Variants in RTTN observed in about 807,000 individuals in gnomAD.
RTTN encodes rotatin.
RTTN carries 182 observed loss-of-function variants against 269.2 expected under a neutral mutation model. The ratio of observed to expected loss-of-function variants is 0.68; its 90% CI spans 0.60 to 0.76. RTTN has a LOEUF of 0.76. RTTN is among the 30% of genes least tolerant of loss of function. The pLI is 0.00. For missense variants in RTTN, 2,545 were observed against 2,608.6 expected (o/e 0.98, Z 0.53); for synonymous variants, 1,006 against 963.5 (o/e 1.04, Z -0.82).
chr18:70,044,169 A>T (rs914876520), intron 40 of RTTN, among the ~76,000 whole-genome samples: 1 of 152,210 alleles, frequency 6.6e-6, no homozygotes, highest in Non-Finnish European at 1.5e-5. Flanking sequence ...TACAGTGAAC[A>T]TTCATCAACA....
chr18:70,020,350 TCTTTGAGAATGATAAAATA>T (rs2056666086), intron 45 of RTTN, among the ~76,000 whole-genome samples: 1 of 152,202 alleles, frequency 6.6e-6, no homozygotes, highest in Non-Finnish European at 1.5e-5. Flanking sequence ...AAAACCCTCA[TCTTTGAGAATGATAAAATA>T]CAATCCGAAA....
chr18:70,029,268 G>A (rs1056861728), intron 42 of RTTN, among the ~76,000 whole-genome samples: 2 of 151,886 alleles, frequency 1.3e-5, no homozygotes, highest in African/African-American at 2.4e-5. Context: ...GTAGAAACTA[G>A]TTATTACATA....
chr18:70,187,704 G>A (rs2061578517), intron 10 of RTTN, among the ~76,000 whole-genome samples: 1 of 152,136 alleles, frequency 6.6e-6, no homozygotes, highest in Non-Finnish European at 1.5e-5. Flanking sequence ...TATGTTTAAG[G>A]TCAAAGCTAA....
chr18:70,205,251 G>C lies in RTTN; in HGVS notation c.96C>G (p.Asn32Lys), dbSNP rs373704963. ...GAATGAGATCAGCGTAGCAGATTAA[G>C]TTGTGCTCAATCTTGCAGAGAATAC... ...LKSILCKIEH[N>K]LICYADLIQE... Residue 32 changes from asparagine to lysine, a missense_variant, in exon 2 of 49, where the codon AAC (asparagine) becomes AAG (lysine). Transcript: ENST00000640769. 9 of 1,614,134 alleles carry C rather than the reference G, an allele frequency of 5.6e-6. No homozygotes were observed. The highest frequency in any genetic ancestry group is 6.8e-6 in the Non-Finnish European group (8 of 1,180,052).
At chr18:70,092,846 C>T in intron 28 of RTTN, 42 bp from the exon 29 acceptor site, 1 of 1,559,352 alleles carries the variant, frequency 6.4e-7, no homozygotes, top group African/African-American at 1.4e-5. Flanking sequence ...GCTTTATTCT[C>T]AATGGTATAT....
At chr18:70,168,029 T>C (rs1174819321) in intron 12 of RTTN, among the ~76,000 whole-genome samples, 1 of 151,346 alleles carries the variant, frequency 6.6e-6, no homozygotes, top group Non-Finnish European at 1.5e-5. Flanking sequence ...GTGCCTATAG[T>C]ACTAGTTGCT....
Position 70,142,361 on chromosome 18 carries a change from T to G in RTTN, c.2508A>C (p.Glu836Asp). The G allele has an allele frequency of 6.2e-7, 1 of 1,603,560 alleles. No homozygotes were observed. Among genetic ancestry groups the G allele is most frequent in the Non-Finnish European group, 8.5e-7 (1 of 1,175,696 alleles). The stretch of plus-strand genomic sequence containing the variant: ...GATCAACATCATCTGAGGTGAAGAT[T>G]TCATATACCTTTTCAACAGTCTCCA... ...IKLETVEKVY[E>D]IFTSDDVDLV... The change falls in exon 19 of 49, where the codon GAA (glutamate) becomes GAC (aspartate). Residue 836 changes from glutamate (E) to aspartate (D), a missense_variant. Glu to Asp is a conservative substitution (Grantham distance 45, BLOSUM62 2). Coordinates refer to ENST00000640769, the MANE Select transcript of RTTN (RefSeq NM_173630.4).
chr18:70,110,653 C>A (rs2059440215), intron 27 of RTTN, among the ~76,000 whole-genome samples: 1 of 152,212 alleles, frequency 6.6e-6, no homozygotes, highest in African/African-American at 2.4e-5. Context: ...ACCAAACAAG[C>A]TGCAGTAGTT....
intron 37 of RTTN, among the ~76,000 whole-genome samples, chr18:70,057,438 T>C (rs1259255044): frequency 1.3e-5 from 2 of 152,214 alleles, no homozygotes; most frequent in Non-Finnish European, 2.9e-5. Context: ...AAGTGAACTA[T>C]ACCAATGTCC....
intron 14 of RTTN, 93 bp downstream of exon 14, chr18:70,165,969 T>G (rs1373626526): frequency 7.8e-7 from 1 of 1,285,786 alleles, no homozygotes; most frequent in Admixed American, 2.1e-5. Flanking sequence ...TTATATCTCA[T>G]ACAAAAGGTC....
chr18:70,039,080 C>A (rs752140069), intron 40 of RTTN, among the ~76,000 whole-genome samples: 1 of 151,762 alleles, frequency 6.6e-6, no homozygotes, highest in Non-Finnish European at 1.5e-5. Flanking sequence ...TGAAGCATGC[C>A]TATAAAACCT....
At chr18:70,156,582 A>T in intron 14 of RTTN, among the ~76,000 whole-genome samples, 1 of 149,666 alleles carries the variant, frequency 6.7e-6, no homozygotes. Flanking sequence ...CTATTTGTAC[A>T]CTCCCTCCCC....
chr18:70,115,661 G>C (rs1599627185), intron 26 of RTTN, among the ~76,000 whole-genome samples: 1 of 151,972 alleles, frequency 6.6e-6, no homozygotes, highest in African/African-American at 2.4e-5. Flanking sequence ...CAAGGGCAGA[G>C]CAAGAAGCAT....
At chr18:70,122,884 A>AT (rs2059774122) in intron 25 of RTTN, among the ~76,000 whole-genome samples, 1 of 152,158 alleles carries the variant, frequency 6.6e-6, no homozygotes, top group East Asian at 1.9e-4. Context: ...CTTCTATGAT[A>AT]TCCAGTGTAA....
In RTTN at chr18:70,192,763, C is replaced by A. The variant is rs560921300; in HGVS notation, c.1007+525G>T. 8.6e-5 allele frequency among the ~76,000 whole-genome samples: 13 copies of A among 151,472 alleles called. No homozygotes were observed. In the East Asian group the frequency reaches 2.3e-3, roughly 27 times the overall value. On this transcript the variant is annotated intron_variant, in intron 8 of 48. Transcript: ENST00000640769. Reference sequence around the variant, plus strand: ...GAAGGAGTCCTTATTTTATAAAATTCTCCAACCATTCCTTTTAACAGTAAA... The same window carrying A: ...GAAGGAGTCCTTATTTTATAAAATTATCCAACCATTCCTTTTAACAGTAAA...
chr18:70,028,520 G>A lies in RTTN; in HGVS notation c.5823+204C>T, dbSNP rs73970821. Among the ~76,000 whole-genome samples, 4,070 of 152,158 alleles carry A rather than the reference G, an allele frequency of 0.027. 181 individuals carry two copies. The highest frequency in any genetic ancestry group is 0.092 in the African/African-American group (3,811 of 41,506). ...AGTACAGAATGAGGCTGAAGTTTGC[G>A]AAGAAATGTAATCAGTGTCGATGAA... On this transcript the variant is annotated intron_variant, in intron 43 of 48. Coordinates refer to ENST00000640769, the MANE Select transcript of RTTN (RefSeq NM_173630.4).
intron 32 of RTTN, 83 bp downstream of exon 32, chr18:70,086,530 T>C: frequency 9.3e-7 from 1 of 1,073,220 alleles, no homozygotes; most frequent in Non-Finnish European, 1.4e-6. Context: ...TCATCAATAA[T>C]GAAATATACT....
chr18:70,053,512 G>C (rs1781776730), intron 38 of RTTN: 1 of 152,146 alleles, frequency 6.6e-6, no homozygotes, highest in Non-Finnish European at 1.5e-5. Flanking sequence ...TCATTTTCCA[G>C]ACCTAAAACC....
At chr18:70,184,711 T>TG (rs2061498006) in intron 10 of RTTN, among the ~76,000 whole-genome samples, 16 of 62,656 alleles carry the variant, frequency 2.6e-4, no homozygotes, top group African/African-American at 1.2e-3. Context: ...AGGTTTTTTT[T>TG]TTTTTTGTGT....
Sources: allele counts gnomAD v4.1 joint callset (sites outside exome capture counted in the v4.1 genomes callset), GRCh38; gene constraint gnomAD v4.1.1; transcripts MANE v1.5; gene names NCBI Gene and HGNC (gene_info 2026-07-23, HGNC 2026-07-21).